ZXDC: variants seen among roughly 807,000 people sequenced by gnomAD.
The protein encoded by ZXDC is ZXD family zinc finger C, also known as zinc finger protein ZXDC.
In ZXDC, 58 loss-of-function variants were observed where a neutral mutation model predicts 63.6. The observed-to-expected ratio is 0.91, with a 90% CI of 0.74 to 1.13. The LOEUF (loss-of-function observed/expected upper bound fraction) is 1.13. Ranked by LOEUF, ZXDC falls within the 50% of genes most tolerant of loss-of-function variation. ZXDC has a pLI of 0.00. For missense variants in ZXDC, 1,133 were observed against 1,148.9 expected (o/e 0.99, Z 0.20); for synonymous variants, 561 against 496.1 (o/e 1.13, Z -1.74).
At position 126,452,412 on chromosome 3, in the gene ZXDC, G is replaced by C. The variant is rs1483415695; in HGVS notation, c.2212+7241C>G. 12 of 985,294 alleles carry C rather than the reference G, an allele frequency of 1.2e-5. No homozygotes were observed. The South Asian group carries it at 3.3e-4, about 27-fold the overall frequency. 61.0% of individuals were successfully genotyped at this position (985,294 alleles called of 1,614,324 possible). ...GCCTGTGGGCTCTGCCATCGAGACA[G>C]GTGCAGGAGCCGAGCACTCCTCCCC... On this transcript the variant is annotated intron_variant, in intron 7 of 9. Transcript: ENST00000389709.
intron 4 of ZXDC, among the ~76,000 whole-genome samples, chr3:126,470,209 G>A (rs531500050): frequency 6.6e-6 from 1 of 152,248 alleles, no homozygotes; most frequent in African/African-American, 2.4e-5. Context: ...GCTCACACCT[G>A]TAATCCCAGC....
intron 4 of ZXDC, 138 bp from the exon 5 acceptor site, chr3:126,466,463 C>T: frequency 1.1e-6 from 1 of 871,320 alleles, no homozygotes; most frequent in South Asian, 1.5e-5. Flanking sequence ...GACCAAATAT[C>T]TCTAGAAGTA....
intron 7 of ZXDC, chr3:126,450,495 C>T (rs1014227630): frequency 1.3e-5 from 6 of 456,600 alleles, no homozygotes; most frequent in Non-Finnish European, 2.6e-5. Flanking sequence ...AAATCCAAAC[C>T]CACCTGGGCA....
At chr3:126,459,511 A>G (rs1934436917) in intron 7 of ZXDC, 142 bp downstream of exon 7, 2 of 1,494,942 alleles carry the variant, frequency 1.3e-6, no homozygotes, top group Non-Finnish European at 1.8e-6. Context: ...TTCAAATAAA[A>G]CTAAGGAGTT....
intron 4 of ZXDC, 95 bp from the exon 5 acceptor site, chr3:126,466,420 G>C: frequency 7.1e-7 from 1 of 1,409,282 alleles, no homozygotes. Context: ...CACCAGACCT[G>C]CATTTTGCAC....
intron 7 of ZXDC, among the ~76,000 whole-genome samples, chr3:126,455,904 G>A (rs1934287485): frequency 6.6e-6 from 1 of 152,056 alleles, no homozygotes; most frequent in Non-Finnish European, 1.5e-5. Flanking sequence ...GGAGGCTGAG[G>A]CAGGAGAATG....
In ZXDC at chr3:126,475,293, C is replaced by G. The variant is rs1458071153; in HGVS notation, c.573G>C (p.Gln191His). 1.3e-6 allele frequency: 2 copies of G among 1,550,232 alleles called. No homozygotes were observed. The change falls in exon 1 of 10, where the codon CAG becomes CAC. Residue 191 changes from glutamine to histidine, a missense_variant. By Grantham distance (24) the Gln-to-His change is conservative. Coordinates refer to ENST00000389709, the MANE Select transcript of ZXDC (RefSeq NM_025112.5). ...QCALAFAKKH[Q>H]LKVHLLTHGG... ...CGTGCGTGAGCAGGTGCACCTTGAG[C>G]TGGTGCTTCTTGGCGAAGGCCAGCG...
At chr3:126,439,823 G>A (rs1351623407) in intron 8 of ZXDC, 96 bp from the exon 9 acceptor site, 1 of 1,467,104 alleles carries the variant, frequency 6.8e-7, no homozygotes, top group African/African-American at 1.4e-5. Context: ...TGCAATGCGT[G>A]GCAGAACCAG....
chr3:126,439,820 C>T lies in ZXDC; in HGVS notation c.2395-93G>A, dbSNP rs1371674571. The T allele has an allele frequency of 2.8e-5, 41 of 1,467,048 alleles. No individual in the cohort carries two copies. The East Asian group carries it at 6.7e-4, about 24-fold the overall frequency. 90.9% of individuals were successfully genotyped at this position (1,467,048 alleles called of 1,614,324 possible). A position where few individuals can be genotyped will look rare whatever the true frequency, so the allele number is the denominator to read the frequency against. ...TGAGAAGTCTCCTCCAGCTGCAATGCGTGGCAGAACCAGCCCACCCCCTGT... is the reference window on the plus strand; with the variant it reads ...TGAGAAGTCTCCTCCAGCTGCAATGTGTGGCAGAACCAGCCCACCCCCTGT... On this transcript the variant is annotated intron_variant, in intron 8 of 9. Transcript: ENST00000389709.
intron 8 of ZXDC, 151 bp downstream of exon 8, chr3:126,441,614 C>G (rs1933679851): frequency 1.5e-6 from 2 of 1,374,082 alleles, no homozygotes; most frequent in South Asian, 3.7e-5. Context: ...GGAGACAGGA[C>G]TTGGGGCAGT....
At chr3:126,472,612 T>C (rs1000666947) in intron 1 of ZXDC, among the ~76,000 whole-genome samples, 1 of 152,192 alleles carries the variant, frequency 6.6e-6, no homozygotes. Flanking sequence ...GCACTGATCC[T>C]GCACACACAC....
At chr3:126,472,412 G>GTAAAA in intron 1 of ZXDC, 107 bp from the exon 2 acceptor site, 1 of 1,375,294 alleles carries the variant, frequency 7.3e-7, no homozygotes. Flanking sequence ...GCAGACAAGG[G>GTAAAA]AAAACATGAC....
intron 5 of ZXDC, among the ~76,000 whole-genome samples, chr3:126,465,937 G>T: frequency 6.6e-6 from 1 of 151,894 alleles, no homozygotes; most frequent in East Asian, 1.9e-4. Context: ...TGACAGAGAG[G>T]GACCCTGTCT....
Position 126,475,273 on chromosome 3 carries a change from G to A in ZXDC, c.593C>T (p.Thr198Met). 1 of 1,553,130 alleles carries A rather than the reference G, an allele frequency of 6.4e-7. No individual in the cohort carries two copies. Among genetic ancestry groups the A allele is most frequent in the Non-Finnish European group, 8.7e-7 (1 of 1,148,354 alleles). ...KKHQLKVHLL[T>M]HGGGQGRRPF... ...CCGCCGGCCCTGACCGCCGCCGTGC[G>A]TGAGCAGGTGCACCTTGAGCTGGTG... Residue 198 changes from threonine (T) to methionine (M), a missense_variant, in exon 1 of 10, where the codon ACG becomes ATG. By Grantham distance (81) the Thr-to-Met change is moderately conservative. Coordinates refer to ENST00000389709, the MANE Select transcript of ZXDC (RefSeq NM_025112.5).
chr3:126,458,663 T>C (rs1473827486), intron 7 of ZXDC: 4 of 985,284 alleles, frequency 4.1e-6, no homozygotes, highest in African/African-American at 1.7e-5. Context: ...TATACTTGAA[T>C]GTTTGTCTCT....
At chr3:126,451,022 C>T (rs959694228) in intron 7 of ZXDC, 1 of 491,610 alleles carries the variant, frequency 2.0e-6, no homozygotes, top group Non-Finnish European at 2.6e-6. Flanking sequence ...CCCACTGTCC[C>T]ATGGAAAGGA....
intron 8 of ZXDC, chr3:126,440,936 G>A (rs577039053): frequency 4.2e-5 from 41 of 985,636 alleles, no homozygotes; most frequent in South Asian, 2.4e-4. Flanking sequence ...CAGAGCCAGC[G>A]TCACCTCCAC....
intron 5 of ZXDC, among the ~76,000 whole-genome samples, chr3:126,465,795 G>A (rs1295165831): frequency 1.3e-5 from 2 of 152,048 alleles, no homozygotes; most frequent in Admixed American, 6.5e-5. Flanking sequence ...TATAAAAAAT[G>A]CAAAAATTAG....
intron 7 of ZXDC, chr3:126,453,735 C>T (rs1304982500): frequency 1.0e-6 from 1 of 980,854 alleles, no homozygotes; most frequent in East Asian, 1.1e-4. Flanking sequence ...GCTCTTGTTG[C>T]CCAGGCTGCA....
Sources: gnomAD v4.1 joint callset for allele counts (sites outside exome capture counted in the v4.1 genomes callset) on GRCh38, gnomAD v4.1.1 for gene constraint, MANE v1.5 for transcripts, NCBI Gene and HGNC (gene_info 2026-07-23, HGNC 2026-07-21) for gene names.